ANO5: variants seen among roughly 807,000 people sequenced by gnomAD.
ANO5 encodes the protein anoctamin-5.
ANO5 carries 109 observed loss-of-function variants against 121.0 expected under a neutral mutation model. That is an observed-to-expected ratio of 0.90 (90% CI 0.77 to 1.06). The LOEUF is 1.06. Among genes scored for constraint, ANO5 ranks in the 50% least tolerant of loss-of-function variants. ANO5 has a pLI of 0.00. For missense variants in ANO5, 1,064 were observed against 1,078.5 expected, an observed-to-expected ratio of 0.99 and a Z score of 0.19; for synonymous variants, 406 against 359.9, an observed-to-expected ratio of 1.13 and a Z score of -1.45.
chr11:22,208,215 G>T (rs1348964511), intron 2 of ANO5, among the ~76,000 whole-genome samples: 1 of 151,924 alleles, frequency 6.6e-6, no homozygotes, highest in East Asian at 1.9e-4. Context: ...ATATTCATAC[G>T]CAAAACCTAA....
intron 3 of ANO5, among the ~76,000 whole-genome samples, chr11:22,215,485 C>T (rs1449272359): frequency 6.6e-6 from 1 of 151,896 alleles, no homozygotes; most frequent in African/African-American, 2.4e-5. Context: ...GTAGTCCTTT[C>T]TCCTCAACTT....
At chr11:22,234,472 T>C (rs1333592144) in intron 7 of ANO5, among the ~76,000 whole-genome samples, 2 of 152,158 alleles carry the variant, frequency 1.3e-5, no homozygotes, top group African/African-American at 4.8e-5. Flanking sequence ...TTTAGCAGAA[T>C]TAATGTTGCT....
intron 15 of ANO5, 132 bp from the exon 16 acceptor site, chr11:22,261,997 A>G (rs2133746767): frequency 3.9e-6 from 3 of 778,032 alleles, no homozygotes; most frequent in Non-Finnish European, 4.2e-6. Context: ...ATATTGGCCT[A>G]CTATCGCCAG....
chr11:22,273,792 G>A (rs1328743691), intron 19 of ANO5, among the ~76,000 whole-genome samples: 1 of 152,048 alleles, frequency 6.6e-6, no homozygotes, highest in East Asian at 1.9e-4. Flanking sequence ...AAAAAAGTAT[G>A]AGAGACTCTT....
At position 22,250,381 on chromosome 11, in the gene ANO5, C is replaced by A; in HGVS notation, c.1013+10C>A. On this transcript the variant is annotated intron_variant, in intron 10 of 21. Coordinates refer to ENST00000324559, the MANE Select transcript of ANO5 (RefSeq NM_213599.3). ...AACATAACACAAGCAGGTAAGTGCA[C>A]CTGAGTTGCCCAGATAGAGAAAACA... 1 of 1,613,250 alleles carries A rather than the reference C, an allele frequency of 6.2e-7. No individual in the cohort carries two copies. The highest frequency in any genetic ancestry group is 8.5e-7 in the Non-Finnish European group (1 of 1,179,604).
chr11:22,247,519 G>T (rs1343586391), intron 9 of ANO5, among the ~76,000 whole-genome samples: 1 of 152,070 alleles, frequency 6.6e-6, no homozygotes, highest in Admixed American at 6.6e-5. Context: ...CTATGAATTA[G>T]AAAAAATATT....
At chr11:22,255,287 T>C (rs1179137367) in intron 12 of ANO5, 84 bp from the exon 13 acceptor site, 9 of 1,146,918 alleles carry the variant, frequency 7.8e-6, no homozygotes, top group Non-Finnish European at 1.1e-5. Flanking sequence ...TGAACCATCC[T>C]GCAACCAAAG....
chr11:22,196,593 G>A (rs1851820093), intron 1 of ANO5, among the ~76,000 whole-genome samples: 2 of 151,672 alleles, frequency 1.3e-5, no homozygotes, highest in South Asian at 4.2e-4. Flanking sequence ...ACTGTTGGCT[G>A]GGTGTGTTGG....
In ANO5 at chr11:22,282,178, A is replaced by AGTTTT. The variant is rs1236081800; in HGVS notation, c.*2424_*2428dup. On this transcript the variant is annotated 3_prime_UTR_variant, in exon 22 of 22. Coordinates refer to ENST00000324559, the MANE Select transcript of ANO5 (RefSeq NM_213599.3). ...GATTTTATCTGCTGACCAAGCGCATAGTTTTGTTTTGTTTTCAGAATGTTC... is the reference window on the plus strand; with the variant it reads ...GATTTTATCTGCTGACCAAGCGCATAGTTTTGTTTTGTTTTGTTTTCAGAATGTTC... 2.6e-5 allele frequency: 4 copies of AGTTTT among 152,142 alleles called. No homozygotes were observed. Among genetic ancestry groups the AGTTTT allele is most frequent in the Non-Finnish European group, 4.4e-5 (3 of 67,978 alleles). The allele number at this position is 152,142 out of a possible 1,614,324, so 9.4% of individuals were successfully genotyped here. A position where few individuals can be genotyped will look rare whatever the true frequency, so the allele number is the denominator to read the frequency against.
chr11:22,236,874 G>A (rs1246207726), intron 8 of ANO5, among the ~76,000 whole-genome samples: 3 of 152,110 alleles, frequency 2.0e-5, no homozygotes, highest in Non-Finnish European at 4.4e-5. Context: ...TTTTTTGGGG[G>A]CTGGCAAATC....
At chr11:22,210,209 C>G (rs1483187107) in intron 2 of ANO5, among the ~76,000 whole-genome samples, 1 of 151,892 alleles carries the variant, frequency 6.6e-6, no homozygotes, top group Non-Finnish European at 1.5e-5. Context: ...TACTTTAGTA[C>G]AATAGATTGC....
chr11:22,237,783 T>C (rs2133655532), intron 8 of ANO5, among the ~76,000 whole-genome samples: 1 of 152,204 alleles, frequency 6.6e-6, no homozygotes, highest in South Asian at 2.1e-4. Flanking sequence ...AAACAGCCTC[T>C]TCTTTTTTTC....
intron 18 of ANO5, among the ~76,000 whole-genome samples, chr11:22,272,305 C>CACACAA (rs1190872713): frequency 3.1e-4 from 24 of 76,896 alleles, no homozygotes; most frequent in African/African-American, 1.3e-3. Context: ...TTTTCCGGCA[C>CACACAA]ACACACACAC....
intron 2 of ANO5, among the ~76,000 whole-genome samples, chr11:22,208,540 A>G (rs2133541223): frequency 6.6e-6 from 1 of 152,154 alleles, no homozygotes; most frequent in East Asian, 1.9e-4. Context: ...AGGAAAATGG[A>G]CATAAATTTA....
chr11:22,270,508 A>G, intron 18 of ANO5, 66 bp downstream of exon 18: 1 of 1,524,672 alleles, frequency 6.6e-7, no homozygotes, highest in Non-Finnish European at 9.1e-7. Context: ...AGCTCCAGAT[A>G]CTTCTTTCTG....
chr11:22,208,607 C>T (rs1375672994), intron 2 of ANO5, among the ~76,000 whole-genome samples: 2 of 151,936 alleles, frequency 1.3e-5, no homozygotes, highest in African/African-American at 4.8e-5. Flanking sequence ...CTTGACAGGG[C>T]TGGCTCTTAC....
intron 7 of ANO5, among the ~76,000 whole-genome samples, chr11:22,234,269 T>C (rs1564927438): frequency 1.3e-5 from 2 of 152,140 alleles, no homozygotes. Context: ...CCTTGCAAAT[T>C]GATGTGCATG....
chr11:22,243,843 ATTC>A (rs1462915262), intron 9 of ANO5, among the ~76,000 whole-genome samples: 2 of 152,112 alleles, frequency 1.3e-5, no homozygotes, highest in Non-Finnish European at 2.9e-5. Context: ...TGTCTTATTT[ATTC>A]TTTTGAAGAA....
chr11:22,193,524 C>A lies in ANO5; in HGVS notation c.32C>A (p.Ala11Glu), dbSNP rs369407170. 9 of 1,612,666 alleles carry A rather than the reference C, an allele frequency of 5.6e-6. No individual in the cohort carries two copies. Among genetic ancestry groups the A allele is most frequent in the Non-Finnish European group, 7.6e-6 (9 of 1,179,692 alleles). MGDPDLLEVL[A>E]EEGEKVNKHI... ...GACCCGGATCTCCTGGAAGTGTTGGCGGAGGAAGGTAGGACCGCGCCAAGA... is the reference window on the plus strand; with the variant it reads ...GACCCGGATCTCCTGGAAGTGTTGGAGGAGGAAGGTAGGACCGCGCCAAGA... The change falls in exon 1 of 22, where the codon GCG becomes GAG. Residue 11 changes from alanine (A) to glutamate (E), a missense_variant. Transcript: ENST00000324559.
Sources: gnomAD v4.1 joint callset for allele counts (sites outside exome capture counted in the v4.1 genomes callset) on GRCh38, gnomAD v4.1.1 for gene constraint, MANE v1.5 for transcripts, NCBI Gene and HGNC (gene_info 2026-07-23, HGNC 2026-07-21) for gene names.